Variants in BLTP3A observed in about 807,000 individuals in gnomAD.
The protein encoded by BLTP3A is ICBP90 binding protein 1.
chr6:34,849,429 TAACA>T, the BLTP3A span, among the ~76,000 whole-genome samples: 2 of 152,166 alleles, frequency 1.3e-5, no homozygotes, highest in African/African-American at 4.8e-5. Flanking sequence ...ACAAACCAAC[TAACA>T]AACAAGCAAA....
At chr6:34,834,843 A>G in the BLTP3A span, 1 of 1,613,908 alleles carries the variant, frequency 6.2e-7, no homozygotes, top group Non-Finnish European at 8.5e-7. Context: ...GCAGGATCCA[A>G]ATAGCCCTCA....
At chr6:34,844,589 A>C in the BLTP3A span, among the ~76,000 whole-genome samples, 1 of 151,826 alleles carries the variant, frequency 6.6e-6, no homozygotes, top group African/African-American at 2.4e-5. Flanking sequence ...TGTAGTTTTG[A>C]TTTTCATTTC....
At chr6:34,851,575 G>A in the BLTP3A span, among the ~76,000 whole-genome samples, 1 of 152,194 alleles carries the variant, frequency 6.6e-6, no homozygotes, top group East Asian at 1.9e-4. Flanking sequence ...TGGGTTAGAT[G>A]TGAAGCCAGC....
At chr6:34,812,383 C>T in the BLTP3A span, among the ~76,000 whole-genome samples, 4 of 148,622 alleles carry the variant, frequency 2.7e-5, no homozygotes, top group African/African-American at 9.9e-5. Flanking sequence ...CCTTAAATAA[C>T]ACAACAGTTA....
chr6:34,827,132 G>A, the BLTP3A span, among the ~76,000 whole-genome samples: 2 of 152,036 alleles, frequency 1.3e-5, no homozygotes, highest in African/African-American at 2.4e-5. Context: ...CCAACATAGC[G>A]AAACCCCATC....
the BLTP3A span, among the ~76,000 whole-genome samples, chr6:34,802,680 C>T: frequency 6.6e-6 from 1 of 152,130 alleles, no homozygotes; most frequent in Non-Finnish European, 1.5e-5. Context: ...TTTTAGTAGT[C>T]CAAATCCTGG....
At chr6:34,857,823 G>A in the BLTP3A span, 57 of 1,614,068 alleles carry the variant, frequency 3.5e-5, no homozygotes, top group South Asian at 1.9e-4. Flanking sequence ...GATTTATACC[G>A]CAGCTTGGAG....
the BLTP3A span, among the ~76,000 whole-genome samples, chr6:34,832,311 C>G: frequency 6.6e-6 from 1 of 151,860 alleles, no homozygotes; most frequent in East Asian, 1.9e-4. Context: ...TTGTAGTGAC[C>G]AGGTCTCACT....
the BLTP3A span, among the ~76,000 whole-genome samples, chr6:34,823,614 T>G: frequency 2.0e-5 from 3 of 146,350 alleles, no homozygotes; most frequent in African/African-American, 7.6e-5. Flanking sequence ...GTGATCACAG[T>G]TCACTGTAGC....
At chr6:34,823,112 C>A in the BLTP3A span, 1 of 650,684 alleles carries the variant, frequency 1.5e-6, no homozygotes, top group Non-Finnish European at 2.8e-6. Context: ...CATTCATTCA[C>A]TCAGTAAATA....
At chr6:34,818,434 A>C in the BLTP3A span, among the ~76,000 whole-genome samples, 1 of 151,976 alleles carries the variant, frequency 6.6e-6, no homozygotes, top group South Asian at 2.1e-4. Context: ...GTACCACTGC[A>C]CTCCAGCCTG....
the BLTP3A span, among the ~76,000 whole-genome samples, chr6:34,839,713 C>G: frequency 2.0e-5 from 3 of 152,206 alleles, no homozygotes; most frequent in Admixed American, 2.0e-4. Flanking sequence ...ATCAACAGCT[C>G]TCTCGCACTG....
At chr6:34,861,165 T>A in the BLTP3A span, among the ~76,000 whole-genome samples, 17 of 151,890 alleles carry the variant, frequency 1.1e-4, no homozygotes, top group Non-Finnish European at 2.5e-4. Flanking sequence ...TTGAGACAGG[T>A]CTCATTCTGT....
chr6:34,799,960 C>T, the BLTP3A span, among the ~76,000 whole-genome samples: 1 of 149,458 alleles, frequency 6.7e-6, no homozygotes, highest in African/African-American at 2.5e-5. Context: ...ATGTCTAATT[C>T]TTTAGACATT....
chr6:34,863,007 C>G, the BLTP3A span, among the ~76,000 whole-genome samples: 1 of 151,852 alleles, frequency 6.6e-6, no homozygotes, highest in Non-Finnish European at 1.5e-5. Flanking sequence ...CTCCCAGGCT[C>G]AGGTGATCCT....
At chr6:34,834,373 C>T in the BLTP3A span, 10 of 1,613,594 alleles carry the variant, frequency 6.2e-6, no homozygotes, top group East Asian at 2.2e-4. Context: ...GTGACCTTCG[C>T]CTTACCCGCA....
the BLTP3A span, chr6:34,871,190 G>A: frequency 1.3e-6 from 2 of 1,514,696 alleles, no homozygotes; most frequent in Admixed American, 2.0e-5. Flanking sequence ...AAGCAAGGAA[G>A]CAGTGACACC....
the BLTP3A span, among the ~76,000 whole-genome samples, chr6:34,859,808 C>T: frequency 6.6e-6 from 1 of 152,112 alleles, no homozygotes; most frequent in Non-Finnish European, 1.5e-5. Context: ...CAGGCCTTAC[C>T]GTGTTAGCCA....
chr6:34,864,258 C>A, the BLTP3A span: 2 of 1,478,732 alleles, frequency 1.4e-6, no homozygotes, highest in East Asian at 2.3e-5. Context: ...TCTCTGCTGC[C>A]TGTATCAGAC....
Sources: allele counts gnomAD v4.1 joint callset (sites outside exome capture counted in the v4.1 genomes callset), GRCh38; gene constraint gnomAD v4.1.1; transcripts MANE v1.5; gene names NCBI Gene and HGNC (gene_info 2026-07-23, HGNC 2026-07-21).